UGT3A1: variants seen among roughly 807,000 people sequenced by gnomAD.
UGT3A1 encodes UDP glycosyltransferase family 3 member A1.
UGT3A1 carries 40 observed loss-of-function variants against 37.6 expected under a neutral mutation model. That is an observed-to-expected ratio of 1.06 (90% CI 0.83 to 1.38). UGT3A1 has a LOEUF of 1.38. Among genes scored for constraint, UGT3A1 ranks in the 40% most tolerant of loss-of-function variants. The pLI is 0.00. For missense variants in UGT3A1, 642 were observed against 634.2 expected (o/e 1.01, Z -0.13); for synonymous variants, 256 against 232.3 (o/e 1.10, Z -0.93).
At chr5:35,964,760 G>T (rs754002591) in intron 4 of UGT3A1, among the ~76,000 whole-genome samples, 2 of 152,202 alleles carry the variant, frequency 1.3e-5, no homozygotes, top group Non-Finnish European at 2.9e-5. Flanking sequence ...ACTCATTTCA[G>T]CTCTCCTCCC....
chr5:35,968,690 C>G (rs778599421), intron 2 of UGT3A1, among the ~76,000 whole-genome samples: 1 of 152,068 alleles, frequency 6.6e-6, no homozygotes, highest in African/African-American at 2.4e-5. Context: ...AATAAGAAGT[C>G]TGACTCCATT....
chr5:35,980,845 T>A (rs527458008), intron 2 of UGT3A1, among the ~76,000 whole-genome samples: 1 of 152,346 alleles, frequency 6.6e-6, no homozygotes, highest in South Asian at 2.1e-4. Context: ...TGTTGTACAT[T>A]TCACTCCTCA....
intron 2 of UGT3A1, among the ~76,000 whole-genome samples, chr5:35,969,502 A>G (rs1341610401): frequency 1.3e-5 from 2 of 151,170 alleles, no homozygotes; most frequent in African/African-American, 4.8e-5. Flanking sequence ...ACCAAAGTAC[A>G]CCTGATAACA....
chr5:35,973,735 A>G (rs1023498408), intron 2 of UGT3A1, among the ~76,000 whole-genome samples: 1 of 152,196 alleles, frequency 6.6e-6, no homozygotes, highest in African/African-American at 2.4e-5. Context: ...GTCAGAAATT[A>G]TGATGCCCTT....
chr5:35,986,075 A>G (rs551436095), intron 2 of UGT3A1, among the ~76,000 whole-genome samples: 30 of 152,340 alleles, frequency 2.0e-4, no homozygotes, highest in Non-Finnish European at 3.7e-4. Context: ...CAACAGATAC[A>G]TAAGAAAATG....
rs1307371842 is a variant in UGT3A1, at chr5:35,965,909, G to C, written c.320C>G (p.Ser107Cys). 5.2e-6 allele frequency: 8 copies of C among 1,543,806 alleles called. No individual in the cohort carries two copies. The highest frequency in any genetic ancestry group is 4.5e-5 in the East Asian group (2 of 44,106). The change falls in exon 4 of 7, where the codon TCT (serine) becomes TGT (cysteine). Residue 107 changes from serine (S) to cysteine (C), a missense_variant. Ser to Cys is a moderately radical substitution (Grantham distance 112, BLOSUM62 -1). Coordinates refer to ENST00000274278, the MANE Select transcript of UGT3A1 (RefSeq NM_152404.4). ...TTCCATTAGCTTTACAAGGGCTTCA[G>C]ATTCTTTTCTGTAATAAAGAAAATA... is the stretch of plus-strand genomic sequence containing the variant. ...IETALDGRKE[S>C]EALVKLMEIF...
intron 2 of UGT3A1, among the ~76,000 whole-genome samples, chr5:35,981,151 C>G (rs753388243): frequency 6.6e-6 from 1 of 152,086 alleles, no homozygotes; most frequent in Non-Finnish European, 1.5e-5. Context: ...TGGTGAGGTA[C>G]AGAAAACTGT....
intron 2 of UGT3A1, among the ~76,000 whole-genome samples, chr5:35,973,640 A>C (rs1005018353): frequency 1.3e-5 from 2 of 152,140 alleles, no homozygotes; most frequent in African/African-American, 2.4e-5. Flanking sequence ...AAGAGGACAC[A>C]TTTTTTTCAC....
chr5:35,959,867 AAAGTC>A (rs1372745757), intron 4 of UGT3A1, among the ~76,000 whole-genome samples: 8 of 152,208 alleles, frequency 5.3e-5, no homozygotes, highest in African/African-American at 1.9e-4. Flanking sequence ...TCGAAGGAAA[AAAGTC>A]AAGTCTCCAA....
chr5:35,959,439 G>T (rs1355968646), intron 4 of UGT3A1, among the ~76,000 whole-genome samples: 1 of 151,968 alleles, frequency 6.6e-6, no homozygotes, highest in Middle Eastern at 3.2e-3. Flanking sequence ...TGGAAAACAT[G>T]GGAAAAAAAC....
At chr5:35,963,625 C>T (rs1739677794) in intron 4 of UGT3A1, among the ~76,000 whole-genome samples, 1 of 152,198 alleles carries the variant, frequency 6.6e-6, no homozygotes, top group Non-Finnish European at 1.5e-5. Flanking sequence ...AAATAGGTTC[C>T]TTTAATCATT....
intron 5 of UGT3A1, among the ~76,000 whole-genome samples, chr5:35,956,536 G>A (rs769897945): frequency 1.3e-5 from 2 of 152,188 alleles, no homozygotes; most frequent in African/African-American, 2.4e-5. Flanking sequence ...TCCAGTCACT[G>A]AGGATGTCAG....
chr5:35,958,548 A>G (rs1264779271), intron 4 of UGT3A1, among the ~76,000 whole-genome samples: 1 of 152,214 alleles, frequency 6.6e-6, no homozygotes. Flanking sequence ...CAGAGCAATA[A>G]TGTTAATCAG....
At chr5:35,971,879 C>T (rs1338015603) in intron 2 of UGT3A1, among the ~76,000 whole-genome samples, 2 of 152,152 alleles carry the variant, frequency 1.3e-5, no homozygotes, top group South Asian at 2.1e-4. Context: ...GAAGCATGAG[C>T]TCGACCTTGG....
intron 2 of UGT3A1, among the ~76,000 whole-genome samples, chr5:35,978,988 A>C (rs989292202): frequency 1.3e-5 from 2 of 152,112 alleles, no homozygotes; most frequent in Admixed American, 1.3e-4. Flanking sequence ...GGGCGGTCAA[A>C]TCTAAAAGCT....
At chr5:35,966,597 T>C (rs957570078) in intron 3 of UGT3A1, among the ~76,000 whole-genome samples, 2 of 152,226 alleles carry the variant, frequency 1.3e-5, no homozygotes, top group African/African-American at 4.8e-5. Flanking sequence ...CTCTTCCCTA[T>C]GGCACTATTC....
intron 2 of UGT3A1, among the ~76,000 whole-genome samples, chr5:35,975,972 C>G (rs1439900150): frequency 6.6e-6 from 1 of 152,142 alleles, no homozygotes; most frequent in Non-Finnish European, 1.5e-5. Flanking sequence ...TCTCCCATAG[C>G]AAGGATTCAT....
At chr5:35,982,567 A>G (rs535051788) in intron 2 of UGT3A1, among the ~76,000 whole-genome samples, 1 of 152,178 alleles carries the variant, frequency 6.6e-6, no homozygotes, top group African/African-American at 2.4e-5. Context: ...CTATCCTCTC[A>G]TGGTATCTTG....
chr5:35,988,324 C>T (rs778091181), intron 2 of UGT3A1, 126 bp downstream of exon 2: 34 of 638,746 alleles, frequency 5.3e-5, no homozygotes, highest in Admixed American at 3.4e-4. Flanking sequence ...CATCCACACA[C>T]ACATTTATTC....
Sources: allele counts gnomAD v4.1 joint callset (sites outside exome capture counted in the v4.1 genomes callset), GRCh38; gene constraint gnomAD v4.1.1; transcripts MANE v1.5; gene names NCBI Gene and HGNC (gene_info 2026-07-23, HGNC 2026-07-21).